Variants in DPP10 observed in about 807,000 individuals in gnomAD.
DPP10 encodes the protein inactive dipeptidyl peptidase 10.
DPP10 carries 33 observed loss-of-function variants against 120.9 expected under a neutral mutation model. That is an observed-to-expected ratio of 0.27 (90% CI 0.21 to 0.37). The LOEUF (loss-of-function observed/expected upper bound fraction) is 0.37, where lower values mean the gene tolerates loss of function less well. DPP10 is among the 10% of genes least tolerant of loss of function. The pLI is 1.00. For missense variants in DPP10, 816 were observed against 942.8 expected (o/e 0.87, Z 1.76); for synonymous variants, 337 against 326.1 (o/e 1.03, Z -0.36).
chr2:115,473,028 T>G (rs2074835513), intron 3 of DPP10, among the ~76,000 whole-genome samples: 1 of 152,218 alleles, frequency 6.6e-6, no homozygotes, highest in Non-Finnish European at 1.5e-5. Context: ...ATGTAAATGC[T>G]ATGACTTTTA....
chr2:114,695,204 T>C (rs1699999345), intron 1 of DPP10, among the ~76,000 whole-genome samples: 1 of 151,954 alleles, frequency 6.6e-6, no homozygotes, highest in African/African-American at 2.4e-5. Flanking sequence ...TTATTAATAG[T>C]GGTATTGGAG....
chr2:114,457,910 G>T (rs1678670629), intron 1 of DPP10, among the ~76,000 whole-genome samples: 1 of 152,132 alleles, frequency 6.6e-6, no homozygotes, highest in South Asian at 2.1e-4. Flanking sequence ...AATGTTCTCT[G>T]AATTATTCCT....
intron 21 of DPP10, among the ~76,000 whole-genome samples, chr2:115,820,794 GGTGTATGTGTGT>G (rs56252240): frequency 0.44 from 49,363 of 112,564 alleles, 8,392 homozygotes; most frequent in Middle Eastern, 0.59. Flanking sequence ...AGTATTCCAT[GGTGTATGTGTGT>G]GTGTGTGTGT....
At chr2:114,567,066 C>T (rs1274858409) in intron 1 of DPP10, among the ~76,000 whole-genome samples, 5 of 152,182 alleles carry the variant, frequency 3.3e-5, no homozygotes, top group Non-Finnish European at 7.3e-5. Flanking sequence ...AGGCTCCCTC[C>T]TTCCTATCTC....
intron 1 of DPP10, among the ~76,000 whole-genome samples, chr2:114,873,435 G>A (rs990122420): frequency 6.6e-6 from 1 of 152,110 alleles, no homozygotes; most frequent in East Asian, 1.9e-4. Flanking sequence ...GAGGATGTGC[G>A]TGAGGATAAG....
intron 1 of DPP10, among the ~76,000 whole-genome samples, chr2:115,111,338 T>C (rs959558496): frequency 2.0e-5 from 3 of 152,100 alleles, no homozygotes; most frequent in Non-Finnish European, 2.9e-5. Context: ...AGGAAATTGA[T>C]AGGACATTGA....
At chr2:115,173,898 A>G (rs2053532035) in intron 1 of DPP10, among the ~76,000 whole-genome samples, 2 of 152,220 alleles carry the variant, frequency 1.3e-5, no homozygotes, top group South Asian at 4.1e-4. Context: ...ACAACTGATC[A>G]GTTTGGTACA....
chr2:115,380,361 A>G (rs1480144966), intron 3 of DPP10, among the ~76,000 whole-genome samples: 5 of 152,056 alleles, frequency 3.3e-5, no homozygotes, highest in African/African-American at 1.2e-4. Context: ...TTTATCAGAG[A>G]CTAGGATTGC....
At chr2:115,486,243 AAAAC>A (rs373701037) in intron 3 of DPP10, among the ~76,000 whole-genome samples, 40,880 of 151,774 alleles carry the variant, frequency 0.27, 6,380 homozygotes, top group East Asian at 0.41. Context: ...TAAGGGTGAG[AAAAC>A]TTGCTTAAGT....
Position 115,573,246 on chromosome 2 carries a change from A to G in DPP10, c.441+47274A>G, listed in dbSNP as rs2081442145. 3.3e-5 allele frequency among the ~76,000 whole-genome samples: 5 copies of G among 151,688 alleles called. No homozygotes were observed. The South Asian group carries it at 1.0e-3, about 32-fold the overall frequency. On this transcript the variant is annotated intron_variant, in intron 5 of 25. Transcript: ENST00000410059. ...CTGAAGTACTAGCCCTGCAGGACAT[A>G]CAGACTGCATGAAGCCCAGGCTTCC...
At chr2:115,815,082 T>C in intron 20 of DPP10, 95 bp downstream of exon 20, 1 of 1,241,288 alleles carries the variant, frequency 8.1e-7, no homozygotes, top group East Asian at 2.6e-5. Context: ...AAGGCTTCTA[T>C]TTTAGTGATT....
intron 1 of DPP10, among the ~76,000 whole-genome samples, chr2:114,949,182 C>T (rs1697590223): frequency 6.6e-6 from 1 of 152,092 alleles, no homozygotes; most frequent in Admixed American, 6.5e-5. Flanking sequence ...CTCGGCCTCC[C>T]AAAATGCTGG....
intron 4 of DPP10, among the ~76,000 whole-genome samples, chr2:115,522,641 C>T (rs1467123269): frequency 6.6e-6 from 1 of 152,138 alleles, no homozygotes; most frequent in Admixed American, 6.5e-5. Flanking sequence ...ACAGAATGTA[C>T]ATAGATGGCA....
At chr2:114,598,245 T>C (rs1184670940) in intron 1 of DPP10, among the ~76,000 whole-genome samples, 1 of 151,904 alleles carries the variant, frequency 6.6e-6, no homozygotes, top group Non-Finnish European at 1.5e-5. Context: ...TGTTTTAATA[T>C]CAAGAGAAGG....
intron 5 of DPP10, among the ~76,000 whole-genome samples, chr2:115,590,413 C>T (rs546597388): frequency 5.9e-4 from 89 of 152,084 alleles, no homozygotes; most frequent in Non-Finnish European, 7.4e-4. Context: ...TGAGAACATG[C>T]GGTGTTTGGT....
chr2:115,250,944 C>A (rs1474339010), intron 1 of DPP10, among the ~76,000 whole-genome samples: 1 of 152,168 alleles, frequency 6.6e-6, no homozygotes, highest in African/African-American at 2.4e-5. Flanking sequence ...GAAGTGGAGG[C>A]TTCCTGCCAG....
chr2:115,062,162 G>GTGTGTGTGTT (rs1706467499), intron 1 of DPP10, among the ~76,000 whole-genome samples: 1 of 144,480 alleles, frequency 6.9e-6, no homozygotes, highest in Non-Finnish European at 1.5e-5. Flanking sequence ...GTGTGTGTGT[G>GTGTGTGTGTT]TGTGTGTATG....
At chr2:115,220,880 A>G (rs955507847) in intron 1 of DPP10, among the ~76,000 whole-genome samples, 1 of 150,870 alleles carries the variant, frequency 6.6e-6, no homozygotes, top group Non-Finnish European at 1.5e-5. Flanking sequence ...TCTATTTCAT[A>G]TGTATACATA....
At chr2:114,781,650 A>T (rs1682337076) in intron 1 of DPP10, among the ~76,000 whole-genome samples, 1 of 152,070 alleles carries the variant, frequency 6.6e-6, no homozygotes, top group Admixed American at 6.6e-5. Context: ...CTAACAGCCT[A>T]CATATGTGGG....
Sources: allele counts gnomAD v4.1 joint callset (sites outside exome capture counted in the v4.1 genomes callset), GRCh38; gene constraint gnomAD v4.1.1; transcripts MANE v1.5; gene names NCBI Gene and HGNC (gene_info 2026-07-23, HGNC 2026-07-21).